Variants in CSMD1 observed in about 807,000 individuals in gnomAD.
CSMD1 encodes CUB and Sushi multiple domains 1.
Under a neutral mutation model 417.5 loss-of-function variants are expected in CSMD1, and 213 were observed. The observed-to-expected ratio is 0.51, with a 90% CI of 0.46 to 0.57. The LOEUF (loss-of-function observed/expected upper bound fraction) is 0.57. Among genes scored for constraint, CSMD1 ranks in the 20% least tolerant of loss-of-function variants. The probability of loss-of-function intolerance (pLI) is 0.00; values close to 1 mark genes in which losing one functional copy is unlikely to be tolerated. For synonymous variants in CSMD1, 2,862 were observed against 1,736.8 expected (o/e 1.65, Z -16.11); for missense variants, 6,923 against 4,529.7 (o/e 1.53, Z -15.17).
At chr8:4,210,785 A>G (rs1383086866) in intron 3 of CSMD1, among the ~76,000 whole-genome samples, 6 of 152,210 alleles carry the variant, frequency 3.9e-5, no homozygotes, top group Admixed American at 3.9e-4. Context: ...ATGAGTAAAT[A>G]CGAGCATATC....
chr8:3,081,849 C>A (rs1231403324), intron 49 of CSMD1, among the ~76,000 whole-genome samples: 1 of 152,208 alleles, frequency 6.6e-6, no homozygotes, highest in Admixed American at 6.5e-5. Flanking sequence ...TGCCTCATTA[C>A]TGGTAATTTT....
intron 23 of CSMD1, among the ~76,000 whole-genome samples, chr8:3,339,610 ACTC>A (rs1807508471): frequency 6.6e-6 from 1 of 152,142 alleles, no homozygotes; most frequent in Non-Finnish European, 1.5e-5. Context: ...TCAATAAATT[ACTC>A]TCAGAGGGCT....
chr8:4,531,200 C>T (rs4875109), intron 2 of CSMD1, among the ~76,000 whole-genome samples: 147,548 of 152,294 alleles, frequency 0.97, 71,609 homozygotes, highest in Non-Finnish European at 1. Context: ...TAATCAGTGA[C>T]GTACAGTTGT....
At chr8:3,460,149 G>C (rs969621138) in intron 12 of CSMD1, among the ~76,000 whole-genome samples, 2 of 152,128 alleles carry the variant, frequency 1.3e-5, no homozygotes, top group Admixed American at 6.5e-5. Flanking sequence ...GGATTGTGTA[G>C]CAGCAAATCA....
chr8:3,891,144 G>A (rs182807350), intron 5 of CSMD1, among the ~76,000 whole-genome samples: 1 of 152,072 alleles, frequency 6.6e-6, no homozygotes, highest in East Asian at 1.9e-4. Context: ...CACCTCTTGG[G>A]CTTAAGTGAT....
intron 3 of CSMD1, among the ~76,000 whole-genome samples, chr8:4,315,525 A>G (rs368770583): frequency 5.3e-5 from 8 of 152,358 alleles, no homozygotes; most frequent in African/African-American, 1.9e-4. Flanking sequence ...AGAAAATTAG[A>G]TTTCTAGAAA....
chr8:3,929,472 G>A (rs948856721), intron 5 of CSMD1, among the ~76,000 whole-genome samples: 9 of 150,308 alleles, frequency 6.0e-5, no homozygotes, highest in Admixed American at 2.0e-4. Flanking sequence ...TCAGCTACAG[G>A]TGCTGTCTCT....
At chr8:3,985,050 A>T (rs1474190455) in intron 5 of CSMD1, among the ~76,000 whole-genome samples, 2 of 151,988 alleles carry the variant, frequency 1.3e-5, no homozygotes, top group African/African-American at 2.4e-5. Flanking sequence ...TACTGTGCTC[A>T]TGTTCTTAGC....
At chr8:4,492,911 G>C (rs1417183406) in intron 2 of CSMD1, among the ~76,000 whole-genome samples, 1 of 152,208 alleles carries the variant, frequency 6.6e-6, no homozygotes, top group Non-Finnish European at 1.5e-5. Flanking sequence ...CTATCAATTA[G>C]ATGGAAGAAA....
At chr8:2,948,596 A>G (rs947093548) in intron 68 of CSMD1, among the ~76,000 whole-genome samples, 2 of 152,172 alleles carry the variant, frequency 1.3e-5, no homozygotes, top group Non-Finnish European at 2.9e-5. Context: ...AATTTGTTAC[A>G]TAAAAATACT....
intron 5 of CSMD1, among the ~76,000 whole-genome samples, chr8:3,939,318 T>G (rs1810717527): frequency 6.6e-6 from 1 of 152,140 alleles, no homozygotes; most frequent in African/African-American, 2.4e-5. Context: ...AGATACCACC[T>G]TACTCCTGTA....
At chr8:4,302,763 G>A (rs1448106423) in intron 3 of CSMD1, among the ~76,000 whole-genome samples, 2 of 152,122 alleles carry the variant, frequency 1.3e-5, no homozygotes, top group Non-Finnish European at 2.9e-5. Flanking sequence ...GACCCCAACT[G>A]AGTCCAGGTA....
intron 49 of CSMD1, among the ~76,000 whole-genome samples, chr8:3,053,325 G>A (rs1000946868): frequency 6.6e-6 from 1 of 152,194 alleles, no homozygotes; most frequent in Non-Finnish European, 1.5e-5. Flanking sequence ...AAAGAAAGAA[G>A]AAGGGATGAA....
intron 2 of CSMD1, among the ~76,000 whole-genome samples, chr8:4,576,916 A>G (rs1799164557): frequency 6.6e-6 from 1 of 152,180 alleles, no homozygotes; most frequent in Admixed American, 6.5e-5. Context: ...TAATAGAATG[A>G]TTATTTAGAT....
At chr8:4,373,666 A>T (rs1802538751) in intron 3 of CSMD1, among the ~76,000 whole-genome samples, 1 of 152,124 alleles carries the variant, frequency 6.6e-6, no homozygotes, top group Admixed American at 6.5e-5. Flanking sequence ...TGATAGTTTA[A>T]TGAAACGTTT....
intron 5 of CSMD1, among the ~76,000 whole-genome samples, chr8:3,879,310 G>T (rs973260484): frequency 1.3e-5 from 2 of 150,894 alleles, no homozygotes. Context: ...AAAATGTCCT[G>T]CAGCCAAATC....
intron 3 of CSMD1, among the ~76,000 whole-genome samples, chr8:4,274,078 A>T (rs887373511): frequency 2.0e-5 from 3 of 152,180 alleles, no homozygotes; most frequent in African/African-American, 7.2e-5. Context: ...ATTGTAATAT[A>T]TAACTCATTT....
chr8:4,342,197 T>G (rs530237926), intron 3 of CSMD1, among the ~76,000 whole-genome samples: 1 of 135,436 alleles, frequency 7.4e-6, no homozygotes, highest in Admixed American at 8.0e-5. Flanking sequence ...TTGGCAGCAG[T>G]GCTGTGTCTG....
chr8:4,699,956 G>C (rs1001195640), intron 1 of CSMD1, among the ~76,000 whole-genome samples: 1 of 152,128 alleles, frequency 6.6e-6, no homozygotes, highest in African/African-American at 2.4e-5. Context: ...AATAAGACAG[G>C]CTTGGATTCT....
Sources: allele counts gnomAD v4.1 joint callset (sites outside exome capture counted in the v4.1 genomes callset), GRCh38; gene constraint gnomAD v4.1.1; transcripts MANE v1.5; gene names NCBI Gene and HGNC (gene_info 2026-07-23, HGNC 2026-07-21).